Variants in TTLL6 observed in about 807,000 individuals in gnomAD.
TTLL6 encodes tubulin tyrosine ligase like 6.
Under a neutral mutation model 96.4 loss-of-function variants are expected in TTLL6, and 75 were observed. The ratio of observed to expected loss-of-function variants is 0.78; its 90% CI spans 0.65 to 0.94. The LOEUF is 0.94. Ranked by LOEUF, TTLL6 falls within the 40% of genes least tolerant of loss-of-function variation. TTLL6 has a pLI of 0.00. For synonymous variants in TTLL6, 411 were observed against 419.4 expected (o/e 0.98, Z 0.24); for missense variants, 1,030 against 1,093.0 (o/e 0.94, Z 0.81).
At chr17:48,802,610 C>A (rs951054637) in intron 3 of TTLL6, among the ~76,000 whole-genome samples, 2 of 152,254 alleles carry the variant, frequency 1.3e-5, no homozygotes, top group Non-Finnish European at 2.9e-5. Context: ...GCGGCTCACG[C>A]CTGTAATCCC....
intron 1 of TTLL6, among the ~76,000 whole-genome samples, chr17:48,816,555 A>G (rs1194454906): frequency 6.6e-6 from 1 of 151,856 alleles, no homozygotes; most frequent in Admixed American, 6.6e-5. Context: ...GCAGAGGACT[A>G]TGCCGGCCAT....
At chr17:48,790,246 A>C (rs996447621) in intron 9 of TTLL6, 140 bp from the exon 10 acceptor site, 4 of 865,154 alleles carry the variant, frequency 4.6e-6, no homozygotes, top group African/African-American at 1.7e-5. Flanking sequence ...GGGAGAGAGC[A>C]TCTGGACTAG....
At chr17:48,804,462 G>A in intron 2 of TTLL6, 1 of 533,264 alleles carries the variant, frequency 1.9e-6, no homozygotes, top group Non-Finnish European at 3.6e-6. Context: ...AAATTTCCAG[G>A]ACAAATCAGC....
chr17:48,792,214 G>A (rs182728925), intron 8 of TTLL6, among the ~76,000 whole-genome samples: 39 of 152,302 alleles, frequency 2.6e-4, no homozygotes, highest in Non-Finnish European at 5.1e-4. Context: ...GTGGGCAAAC[G>A]GAGACAGCTG....
At chr17:48,791,279 A>C in intron 9 of TTLL6, 99 bp downstream of exon 9, 2 of 1,030,454 alleles carry the variant, frequency 1.9e-6, no homozygotes, top group Non-Finnish European at 2.9e-6. Flanking sequence ...TGGCCTGGGA[A>C]GTTGAAACAA....
chr17:48,772,997 C>T (rs2038779755), intron 13 of TTLL6, among the ~76,000 whole-genome samples: 1 of 75,844 alleles, frequency 1.3e-5, no homozygotes, highest in Admixed American at 1.7e-4. Context: ...GAGTGAGACC[C>T]TGTCTCAAAA....
chr17:48,774,108 A>AAAAAACAAAAAAAAAAAAC (rs2038814796), intron 13 of TTLL6, among the ~76,000 whole-genome samples: 2 of 130,490 alleles, frequency 1.5e-5, no homozygotes, highest in Non-Finnish European at 3.2e-5. Flanking sequence ...AAAAAAAAAA[A>AAAAAACAAAAAAAAAAAAC]AAAACAAGAA....
At chr17:48,800,820 G>T (rs1282339281) in intron 5 of TTLL6, among the ~76,000 whole-genome samples, 1 of 152,168 alleles carries the variant, frequency 6.6e-6, no homozygotes, top group Non-Finnish European at 1.5e-5. Flanking sequence ...GAGCAGAGAA[G>T]GGGAAGTGCT....
rs753820953 is a variant in TTLL6 at position 48,762,987 on chromosome 17, A to AT, written c.*1-15dup. On this transcript the variant is annotated splice_polypyrimidine_tract_variant and intron_variant, in intron 15 of 15. Coordinates refer to ENST00000393382, the MANE Select transcript of TTLL6 (RefSeq NM_001130918.3). Reference sequence around the variant, plus strand: ...TCCAGTCTGATTCTGGAAAAAAAAAATTTTTTTTTTAGATTTTCCTTTAAA... The same window carrying AT: ...TCCAGTCTGATTCTGGAAAAAAAAAATTTTTTTTTTTAGATTTTCCTTTAAA... The AT allele has an allele frequency of 8.8e-4, 363 of 413,332 alleles. No homozygotes were observed. The highest frequency in any genetic ancestry group is 1.3e-3 in the Admixed American group (44 of 33,590). 25.6% of individuals were successfully genotyped at this position (413,332 alleles called of 1,614,324 possible).
chr17:48,778,144 G>A (rs1238341492), intron 13 of TTLL6, among the ~76,000 whole-genome samples: 2 of 152,050 alleles, frequency 1.3e-5, no homozygotes, highest in African/African-American at 4.8e-5. Context: ...GGGTGTGGTG[G>A]TGTGTACCTG....
chr17:48,801,604 C>T lies in TTLL6; in HGVS notation c.401G>A (p.Gly134Glu). 1 of 1,551,748 alleles carries T rather than the reference C, an allele frequency of 6.4e-7. No individual in the cohort carries two copies. The highest frequency in any genetic ancestry group is 8.7e-7 in the Non-Finnish European group (1 of 1,147,000). ...ATAGAGAGTCCAGTCATCGTCTTCC[C>T]CTCCCTCTCTAAAGCCGTACTGTTG... is the stretch of plus-strand genomic sequence containing the variant. Reference protein sequence around the residue: ...AAQQYGFREGGEDDDWTLYWT... With the variant: ...AAQQYGFREGEEDDDWTLYWT... The change falls in exon 4 of 16, where the codon GGG becomes GAG. Residue 134 changes from glycine (G) to glutamate (E), a missense_variant. Transcript: ENST00000393382.
At chr17:48,805,573 T>C (rs1402152580) in intron 1 of TTLL6, among the ~76,000 whole-genome samples, 5 of 152,200 alleles carry the variant, frequency 3.3e-5, no homozygotes, top group South Asian at 2.1e-4. Context: ...TCTCCCACCA[T>C]CCATTCCAAA....
intron 7 of TTLL6, 136 bp downstream of exon 7, chr17:48,796,925 T>C: frequency 1.9e-6 from 2 of 1,045,142 alleles, no homozygotes; most frequent in Non-Finnish European, 2.7e-6. Flanking sequence ...CTGGCAGCGC[T>C]AAATGAAACC....
intron 3 of TTLL6, among the ~76,000 whole-genome samples, chr17:48,803,400 G>T (rs1055686438): frequency 6.6e-6 from 1 of 151,436 alleles, no homozygotes; most frequent in African/African-American, 2.4e-5. Flanking sequence ...GGAGGCTGAG[G>T]CAGGAGAATC....
rs528454026 is a variant in TTLL6 at position 48,788,194 on chromosome 17, A to G, written c.1401-195T>C. Among the ~76,000 whole-genome samples the G allele has an allele frequency of 5.6e-4, 86 of 152,368 alleles. 1 individual carries two copies. The highest frequency in any genetic ancestry group is 1.9e-3 in the African/African-American group (78 of 41,588). On this transcript the variant is annotated intron_variant, in intron 10 of 15. Transcript: ENST00000393382. ...TAGCCCTCCTGGGACAGCCAATGTC[A>G]TAATGCACTAAAAGCTGGTTAGCAC...
chr17:48,779,095 T>G (rs2038938009), intron 13 of TTLL6, among the ~76,000 whole-genome samples: 1 of 151,862 alleles, frequency 6.6e-6, no homozygotes, highest in Admixed American at 6.6e-5. Context: ...AGTGAGGCTC[T>G]GTCTCAGAGG....
At chr17:48,795,213 C>A (rs982992351) in intron 8 of TTLL6, among the ~76,000 whole-genome samples, 1 of 151,976 alleles carries the variant, frequency 6.6e-6, no homozygotes, top group African/African-American at 2.4e-5. Flanking sequence ...ATAGTCTCAG[C>A]TACTTGGGAG....
chr17:48,782,655 G>A (rs2039012126), intron 13 of TTLL6, among the ~76,000 whole-genome samples: 1 of 152,100 alleles, frequency 6.6e-6, no homozygotes, highest in Non-Finnish European at 1.5e-5. Context: ...TCAAACCATG[G>A]GTTGTAAACC....
In TTLL6 at chr17:48,796,153, A is replaced by G; in HGVS notation, c.913-7T>C. ...GGTGCATGCAGATATCATCCTGGGG[A>G]AAAAGACACACATCTGTCGGGTCAG... On this transcript the variant is annotated splice_region_variant and splice_polypyrimidine_tract_variant and intron_variant, in intron 7 of 15. Transcript: ENST00000393382. The G allele has an allele frequency of 6.5e-7, 1 of 1,547,392 alleles. No homozygotes were observed. The highest frequency in any genetic ancestry group is 8.7e-7 in the Non-Finnish European group (1 of 1,143,914).
Sources: gnomAD v4.1 joint callset for allele counts (sites outside exome capture counted in the v4.1 genomes callset) on GRCh38, gnomAD v4.1.1 for gene constraint, MANE v1.5 for transcripts, NCBI Gene and HGNC (gene_info 2026-07-23, HGNC 2026-07-21) for gene names.